Variants in NBAS observed in about 807,000 individuals in gnomAD.
NBAS encodes the protein NAG/BC035112 fusion.
In NBAS, 219 loss-of-function variants were observed where a neutral mutation model predicts 302.5. That is an observed-to-expected ratio of 0.72 (90% CI 0.65 to 0.81). The LOEUF (loss-of-function observed/expected upper bound fraction) is 0.81, where lower values mean the gene tolerates loss of function less well. NBAS is among the 30% of genes least tolerant of loss of function. The pLI is 0.00. For synonymous variants in NBAS, 1,118 were observed against 1,021.6 expected (o/e 1.09, Z -1.80); for missense variants, 2,932 against 2,841.6 (o/e 1.03, Z -0.72).
chr2:15,220,172 CG>C (rs1166312063), intron 47 of NBAS, among the ~76,000 whole-genome samples: 8 of 140,584 alleles, frequency 5.7e-5, no homozygotes, highest in Admixed American at 2.1e-4. Flanking sequence ...GCTGGCCGGG[CG>C]GGGGGCTGAC....
the NBAS span, among the ~76,000 whole-genome samples, chr2:14,803,355 T>C: frequency 6.6e-6 from 1 of 152,216 alleles, no homozygotes; most frequent in Non-Finnish European, 1.5e-5. Flanking sequence ...GGGAAGCCTC[T>C]GCTGGTCTCT....
chr2:15,206,806 A>G (rs1282789351), intron 48 of NBAS, among the ~76,000 whole-genome samples: 3 of 152,186 alleles, frequency 2.0e-5, no homozygotes, highest in Non-Finnish European at 4.4e-5. Flanking sequence ...ACACAAGTTG[A>G]GTTTTGGGAG....
the NBAS span, among the ~76,000 whole-genome samples, chr2:14,797,334 G>A: frequency 6.6e-6 from 1 of 152,168 alleles, no homozygotes; most frequent in African/African-American, 2.4e-5. Context: ...CCGAATGATA[G>A]GTGCTAAAGG....
chr2:14,946,693 G>A, the NBAS span, among the ~76,000 whole-genome samples: 3 of 152,104 alleles, frequency 2.0e-5, no homozygotes, highest in Non-Finnish European at 4.4e-5. Context: ...GACCTAACTG[G>A]CATTTACAGA....
At chr2:14,796,336 T>C in the NBAS span, among the ~76,000 whole-genome samples, 1 of 152,154 alleles carries the variant, frequency 6.6e-6, no homozygotes, top group African/African-American at 2.4e-5. Context: ...CATTCACACT[T>C]CCATATGAAT....
At chr2:15,084,563 A>G in the NBAS span, among the ~76,000 whole-genome samples, 1 of 152,116 alleles carries the variant, frequency 6.6e-6, no homozygotes, top group African/African-American at 2.4e-5. Context: ...CTGTACTTCA[A>G]CTGTGGCTCC....
At chr2:15,168,856 T>C (rs748881396) in intron 51 of NBAS, among the ~76,000 whole-genome samples, 14 of 152,338 alleles carry the variant, frequency 9.2e-5, no homozygotes, top group Admixed American at 5.9e-4. Flanking sequence ...CTCGAACTCC[T>C]GACCTCAGGT....
At chr2:14,896,958 T>C in the NBAS span, among the ~76,000 whole-genome samples, 1 of 152,188 alleles carries the variant, frequency 6.6e-6, no homozygotes, top group African/African-American at 2.4e-5. Context: ...CAAGTCCTAG[T>C]TGGAGGCCCC....
intron 44 of NBAS, among the ~76,000 whole-genome samples, chr2:15,255,321 T>C (rs749365821): frequency 2.2e-4 from 33 of 152,240 alleles, no homozygotes; most frequent in Non-Finnish European, 4.3e-4. Context: ...TAATTAGTGA[T>C]GTTGAACATT....
the NBAS span, among the ~76,000 whole-genome samples, chr2:15,035,097 G>C: frequency 2.2e-4 from 32 of 148,818 alleles, no homozygotes; most frequent in Non-Finnish European, 3.8e-4. Context: ...CTGCTGATGA[G>C]TATTTAAGGG....
chr2:15,075,028 C>T, the NBAS span, among the ~76,000 whole-genome samples: 20 of 152,316 alleles, frequency 1.3e-4, no homozygotes, highest in African/African-American at 3.9e-4. Flanking sequence ...AAAATGCACA[C>T]ACTCTTCAAA....
chr2:15,033,489 A>C, the NBAS span, among the ~76,000 whole-genome samples: 2 of 152,160 alleles, frequency 1.3e-5, no homozygotes, highest in South Asian at 2.1e-4. Flanking sequence ...TATATTTTGG[A>C]CGTGAGAAGG....
At chr2:14,924,517 C>A in the NBAS span, among the ~76,000 whole-genome samples, 3 of 152,204 alleles carry the variant, frequency 2.0e-5, no homozygotes, top group Admixed American at 1.3e-4. Context: ...GAAACCTGAG[C>A]AAATTTAGGG....
chr2:14,882,453 T>C, the NBAS span, among the ~76,000 whole-genome samples: 1 of 152,144 alleles, frequency 6.6e-6, no homozygotes, highest in Non-Finnish European at 1.5e-5. Flanking sequence ...ACAAAGAAAC[T>C]TGCCTAAGCC....
intron 48 of NBAS, among the ~76,000 whole-genome samples, chr2:15,209,867 T>C (rs779056300): frequency 1.3e-5 from 2 of 151,968 alleles, no homozygotes; most frequent in Non-Finnish European, 2.9e-5. Context: ...AGAACAAACA[T>C]TGGAGAAAGG....
intron 31 of NBAS, among the ~76,000 whole-genome samples, 169 bp from the exon 32 acceptor site, chr2:15,366,862 T>G (rs1394325717): frequency 6.6e-6 from 1 of 152,200 alleles, no homozygotes; most frequent in Non-Finnish European, 1.5e-5. Flanking sequence ...AAATTATTAT[T>G]GCTTCTGAGT....
the NBAS span, among the ~76,000 whole-genome samples, chr2:14,811,753 G>A: frequency 6.6e-6 from 1 of 152,140 alleles, no homozygotes; most frequent in African/African-American, 2.4e-5. Context: ...TAGAAACCAG[G>A]AACCAGGAAC....
At chr2:15,128,192 T>C in the NBAS span, among the ~76,000 whole-genome samples, 1 of 152,304 alleles carries the variant, frequency 6.6e-6, no homozygotes, top group East Asian at 1.9e-4. Flanking sequence ...TTTTCTCAAC[T>C]TATTTGGTCA....
intron 26 of NBAS, among the ~76,000 whole-genome samples, chr2:15,400,590 A>C (rs114028842): frequency 0.011 from 1,691 of 152,306 alleles, 27 homozygotes; most frequent in African/African-American, 0.038. Flanking sequence ...GGAAAAACCT[A>C]CCAGTGAAAG....
Sources: allele counts gnomAD v4.1 joint callset (sites outside exome capture counted in the v4.1 genomes callset), GRCh38; gene constraint gnomAD v4.1.1; transcripts MANE v1.5; gene names NCBI Gene and HGNC (gene_info 2026-07-23, HGNC 2026-07-21).